CDH12: variants seen among roughly 807,000 people sequenced by gnomAD.
CDH12 encodes the protein cadherin-12.
In CDH12, 41 loss-of-function variants were observed where a neutral mutation model predicts 74.1. The observed-to-expected ratio is 0.55, with a 90% CI of 0.43 to 0.72. CDH12 has a LOEUF of 0.72. CDH12 is among the 30% of genes least tolerant of loss of function. The probability of loss-of-function intolerance (pLI) is 0.00; values close to 1 mark genes in which losing one functional copy is unlikely to be tolerated. For synonymous variants in CDH12, 399 were observed against 355.0 expected, an observed-to-expected ratio of 1.12 and a Z score of -1.39; for missense variants, 945 against 977.2, an observed-to-expected ratio of 0.97 and a Z score of 0.44.
intron 1 of CDH12, among the ~76,000 whole-genome samples, chr5:22,681,843 A>G (rs1487013908): frequency 6.6e-6 from 1 of 152,104 alleles, no homozygotes; most frequent in East Asian, 1.9e-4. Context: ...TTTTGTACAA[A>G]TTCAACCTTA....
chr5:21,914,896 G>C (rs1470431295), intron 6 of CDH12, among the ~76,000 whole-genome samples: 1 of 152,180 alleles, frequency 6.6e-6, no homozygotes, highest in Non-Finnish European at 1.5e-5. Context: ...GTTGAAATGA[G>C]TATTTGTTTA....
intron 6 of CDH12, among the ~76,000 whole-genome samples, chr5:21,906,836 T>C (rs1042531018): frequency 5.3e-5 from 8 of 152,176 alleles, no homozygotes; most frequent in Non-Finnish European, 1.0e-4. Flanking sequence ...AGTGTTTTTT[T>C]AGTTTATTTA....
At position 21,840,883 on chromosome 5, in the gene CDH12, A is replaced by C. The variant is rs560941394; in HGVS notation, c.814+1278T>G. On this transcript the variant is annotated intron_variant, in intron 8 of 14. Transcript: ENST00000382254. Reference sequence around the variant, plus strand: ...AAGATGGATTAAAGACTTAAACGTTAGACCTAAAACCATAAAAACCCTAGA... The same window carrying C: ...AAGATGGATTAAAGACTTAAACGTTCGACCTAAAACCATAAAAACCCTAGA... 2.4e-3 allele frequency among the ~76,000 whole-genome samples: 362 copies of C among 152,330 alleles called. 1 individual carries two copies. The highest frequency in any genetic ancestry group is 8.4e-3 in the African/African-American group (348 of 41,580).
At chr5:21,905,475 A>G (rs956181780) in intron 6 of CDH12, among the ~76,000 whole-genome samples, 3 of 152,184 alleles carry the variant, frequency 2.0e-5, no homozygotes, top group Non-Finnish European at 4.4e-5. Flanking sequence ...TCAGTGATAC[A>G]TTGGAAAATG....
At chr5:22,560,504 C>T (rs1435807574) in intron 1 of CDH12, among the ~76,000 whole-genome samples, 1 of 151,990 alleles carries the variant, frequency 6.6e-6, no homozygotes, top group African/African-American at 2.4e-5. Flanking sequence ...TTCTCCTACT[C>T]ACCATAAAAT....
chr5:22,379,417 G>T (rs1049008509), intron 3 of CDH12, among the ~76,000 whole-genome samples: 10 of 152,062 alleles, frequency 6.6e-5, no homozygotes, highest in Non-Finnish European at 1.5e-4. Flanking sequence ...AGTTCCTCTG[G>T]ATCACCCAAG....
At position 22,214,666 on chromosome 5, in the gene CDH12, C is replaced by A. The variant is rs187324104; in HGVS notation, c.-332-2023G>T. Among the ~76,000 whole-genome samples the A allele has an allele frequency of 2.6e-5, 4 of 152,240 alleles. No homozygotes were observed. The East Asian group carries it at 7.7e-4, about 29-fold the overall frequency. ...GAACTATTTTTAAAACTTATTAAAA[C>A]GTTAAGACAGGGCTTATTTTCCTGA... On this transcript the variant is annotated intron_variant, in intron 3 of 14. Transcript: ENST00000382254.
chr5:22,629,863 A>T (rs974286963), intron 1 of CDH12, among the ~76,000 whole-genome samples: 1 of 152,084 alleles, frequency 6.6e-6, no homozygotes, highest in Non-Finnish European at 1.5e-5. Context: ...AAAACCCCAT[A>T]GTCTCTGCCT....
chr5:22,457,425 A>AT (rs1172240668), intron 2 of CDH12, among the ~76,000 whole-genome samples: 1,819 of 104,762 alleles, frequency 0.017, 40 homozygotes, highest in African/African-American at 0.062. Context: ...CTTCTTCTTC[A>AT]TTTTTTTTTT....
intron 1 of CDH12, among the ~76,000 whole-genome samples, chr5:22,723,460 G>A (rs957029882): frequency 6.6e-6 from 1 of 152,050 alleles, no homozygotes; most frequent in Non-Finnish European, 1.5e-5. Flanking sequence ...ATAGTAGATA[G>A]AGCAATATCT....
intron 1 of CDH12, among the ~76,000 whole-genome samples, chr5:22,773,673 A>G (rs1230451579): frequency 6.6e-6 from 1 of 152,172 alleles, no homozygotes; most frequent in African/African-American, 2.4e-5. Flanking sequence ...GAGCTTCTGC[A>G]CAGTAAAAGA....
chr5:22,253,339 A>T (rs1016455771), intron 3 of CDH12, among the ~76,000 whole-genome samples: 3 of 151,906 alleles, frequency 2.0e-5, no homozygotes, highest in Admixed American at 2.0e-4. Context: ...TAACTTTATA[A>T]CTGTTAATAA....
chr5:22,239,804 A>G (rs892919766), intron 3 of CDH12, among the ~76,000 whole-genome samples: 2 of 152,196 alleles, frequency 1.3e-5, no homozygotes, highest in African/African-American at 4.8e-5. Context: ...TAGTTGGTAT[A>G]AGATAAACAG....
chr5:21,864,605 G>A (rs1751230520), intron 6 of CDH12, among the ~76,000 whole-genome samples: 1 of 152,140 alleles, frequency 6.6e-6, no homozygotes, highest in Non-Finnish European at 1.5e-5. Flanking sequence ...TATTACAGGA[G>A]CACAAAACAG....
In CDH12 at chr5:22,172,139, C is replaced by T. The variant is rs1749068449; in HGVS notation, c.-187+40359G>A. 7.9e-5 allele frequency among the ~76,000 whole-genome samples: 12 copies of T among 152,000 alleles called. No homozygotes were observed. The South Asian group carries it at 2.5e-3, about 32-fold the overall frequency. ...TGGGAAAAAGAACAAATATTTTCTT[C>T]TCTAATGTTTCATCAAGTGAAATGA... On this transcript the variant is annotated intron_variant, in intron 4 of 14. Coordinates refer to ENST00000382254, the MANE Select transcript of CDH12 (RefSeq NM_004061.5).
At chr5:21,927,041 G>A (rs545861970) in intron 6 of CDH12, among the ~76,000 whole-genome samples, 1 of 152,282 alleles carries the variant, frequency 6.6e-6, no homozygotes, top group Non-Finnish European at 1.5e-5. Flanking sequence ...GGGACCACTT[G>A]GAGTTTGTGG....
At chr5:22,584,196 T>C (rs906418886) in intron 1 of CDH12, among the ~76,000 whole-genome samples, 2 of 152,188 alleles carry the variant, frequency 1.3e-5, no homozygotes, top group Admixed American at 1.3e-4. Context: ...ACCTCCTGTG[T>C]TCAAGGGATT....
intron 3 of CDH12, among the ~76,000 whole-genome samples, chr5:22,404,203 AT>A (rs1056413521): frequency 6.6e-5 from 10 of 150,924 alleles, no homozygotes; most frequent in African/African-American, 1.2e-4. Context: ...CACACACACA[AT>A]TTTTTTTTGA....
intron 3 of CDH12, among the ~76,000 whole-genome samples, chr5:22,315,738 T>C (rs1357088372): frequency 6.6e-6 from 1 of 152,080 alleles, no homozygotes; most frequent in Non-Finnish European, 1.5e-5. Context: ...GGGGGACAAC[T>C]TGGAAATATA....
Sources: allele counts gnomAD v4.1 joint callset (sites outside exome capture counted in the v4.1 genomes callset), GRCh38; gene constraint gnomAD v4.1.1; transcripts MANE v1.5; gene names NCBI Gene and HGNC (gene_info 2026-07-23, HGNC 2026-07-21).